KIF18A: variants seen among roughly 807,000 people sequenced by gnomAD.
The protein encoded by KIF18A is kinesin family member 18A.
In KIF18A, 67 loss-of-function variants were observed where a neutral mutation model predicts 103.3. That is an observed-to-expected ratio of 0.65 (90% CI 0.53 to 0.79). The LOEUF (loss-of-function observed/expected upper bound fraction) is 0.79, where lower values mean the gene tolerates loss of function less well. KIF18A is among the 30% of genes least tolerant of loss of function. The pLI, the probability that KIF18A is intolerant of heterozygous loss-of-function variation, is 0.00. For missense variants in KIF18A, 1,032 were observed against 1,062.5 expected, an observed-to-expected ratio of 0.97 and a Z score of 0.40; for synonymous variants, 367 against 355.5, an observed-to-expected ratio of 1.03 and a Z score of -0.36.
intron 11 of KIF18A, 124 bp downstream of exon 11, chr11:28,069,119 CATTTAAAAGTAAATTA>C: frequency 1.5e-6 from 1 of 674,446 alleles, no homozygotes; most frequent in Non-Finnish European, 2.5e-6. Flanking sequence ...TTAGAAATAA[CATTTAAAAGTAAATTA>C]AATCTCAGAG....
intron 2 of KIF18A, among the ~76,000 whole-genome samples, chr11:28,096,173 C>CAAAAAAAAAAAAAA (rs1156735166): frequency 6.0e-5 from 3 of 49,690 alleles, no homozygotes; most frequent in East Asian, 9.8e-4. Context: ...AAGACTTCAT[C>CAAAAAAAAAAAAAA]AAAAAAAAAA....
At chr11:28,053,120 AG>A (rs1383805443) in intron 13 of KIF18A, among the ~76,000 whole-genome samples, 4 of 152,194 alleles carry the variant, frequency 2.6e-5, no homozygotes, top group Non-Finnish European at 5.9e-5. Context: ...AAGACTGCAT[AG>A]GCATGAACCT....
intron 13 of KIF18A, among the ~76,000 whole-genome samples, chr11:28,045,257 C>T (rs1366980315): frequency 2.0e-5 from 3 of 151,974 alleles, no homozygotes; most frequent in Non-Finnish European, 4.4e-5. Flanking sequence ...TGGTATTGCT[C>T]TTTAAGCTAC....
intron 10 of KIF18A, among the ~76,000 whole-genome samples, chr11:28,073,396 T>C (rs903939619): frequency 6.6e-6 from 1 of 152,122 alleles, no homozygotes; most frequent in Non-Finnish European, 1.5e-5. Context: ...GAAGCCTTCT[T>C]ACTAAAAATA....
At chr11:28,047,777 A>T (rs1850656937) in intron 13 of KIF18A, among the ~76,000 whole-genome samples, 1 of 152,194 alleles carries the variant, frequency 6.6e-6, no homozygotes, top group Admixed American at 6.6e-5. Context: ...AATAGGAGGC[A>T]ACATACTACT....
intron 13 of KIF18A, among the ~76,000 whole-genome samples, chr11:28,045,401 G>GA (rs942376298): frequency 2.0e-3 from 286 of 139,522 alleles, no homozygotes; most frequent in Middle Eastern, 3.5e-3. Context: ...AGAAAAAAAG[G>GA]AAAAAAAAAA....
At chr11:28,040,603 G>C (rs1336772125) in intron 13 of KIF18A, among the ~76,000 whole-genome samples, 1 of 151,630 alleles carries the variant, frequency 6.6e-6, no homozygotes, top group Non-Finnish European at 1.5e-5. Context: ...TAGCAACGTG[G>C]GTGCTACACA....
chr11:28,058,714 A>G (rs1232616489), intron 13 of KIF18A, among the ~76,000 whole-genome samples: 1 of 143,110 alleles, frequency 7.0e-6, no homozygotes, highest in Non-Finnish European at 1.5e-5. Context: ...TGTAAAATGA[A>G]TTTTACTGCT....
At chr11:28,101,730 A>G (rs971229411) in intron 1 of KIF18A, among the ~76,000 whole-genome samples, 1 of 152,198 alleles carries the variant, frequency 6.6e-6, no homozygotes, top group Non-Finnish European at 1.5e-5. Flanking sequence ...ACAAACATGT[A>G]AAGGTATAAC....
At chr11:28,033,334 A>G (rs1175372524) in intron 15 of KIF18A, among the ~76,000 whole-genome samples, 3 of 151,676 alleles carry the variant, frequency 2.0e-5, no homozygotes, top group Admixed American at 6.6e-5. Flanking sequence ...GTGCTACCAT[A>G]CGATCCAGCA....
chr11:28,097,713 C>T lies in KIF18A; in HGVS notation c.235G>A (p.Val79Ile). The T allele has an allele frequency of 1.9e-6, 3 of 1,610,770 alleles. No homozygotes were observed. Among genetic ancestry groups the T allele is most frequent in the East Asian group, 4.5e-5 (2 of 44,786 alleles). ...GACTGAGTTGACGTTTCATCAAAAA[C>T]AGCATCAAATACAAATTTAAGATCC... ...NKDLKFVFDA[V>I]FDETSTQSEV... Residue 79 changes from valine (V) to isoleucine (I), a missense_variant, in exon 2 of 17, where the codon GTT (valine) becomes ATT (isoleucine). Physicochemically the swap from Val to Ile is conservative, Grantham distance 29. Coordinates refer to ENST00000263181, the MANE Select transcript of KIF18A (RefSeq NM_031217.4).
At chr11:28,087,260 G>A (rs753775271) in intron 6 of KIF18A, among the ~76,000 whole-genome samples, 71 of 152,134 alleles carry the variant, frequency 4.7e-4, no homozygotes, top group Middle Eastern at 3.4e-3. Context: ...CCTGCCTGGC[G>A]TGTAATGTTC....
At chr11:28,065,602 A>G (rs1850909081) in intron 11 of KIF18A, among the ~76,000 whole-genome samples, 1 of 152,108 alleles carries the variant, frequency 6.6e-6, no homozygotes, top group Non-Finnish European at 1.5e-5. Context: ...ACTACTAAGT[A>G]GACAAAAAAG....
intron 11 of KIF18A, 38 bp downstream of exon 11, chr11:28,069,221 C>T (rs1565082606): frequency 2.0e-6 from 3 of 1,530,808 alleles, no homozygotes; most frequent in Non-Finnish European, 2.7e-6. Context: ...GAGCTCAGTT[C>T]CTACAAATTA....
At position 28,099,448 on chromosome 11, in the gene KIF18A, T is replaced by C. The variant is rs573038413; in HGVS notation, c.-46-1455A>G. Reference sequence around the variant, plus strand: ...GGTGACCATGGTTAATTGCTAAGAGTACATTTTAAATGTTCTCACAACAAA... The same window carrying C: ...GGTGACCATGGTTAATTGCTAAGAGCACATTTTAAATGTTCTCACAACAAA... On this transcript the variant is annotated intron_variant, in intron 1 of 16. Coordinates refer to ENST00000263181, the MANE Select transcript of KIF18A (RefSeq NM_031217.4). Among the ~76,000 whole-genome samples, 13 of 152,184 alleles carry C rather than the reference T, an allele frequency of 8.5e-5. No homozygotes were observed. In the South Asian group the frequency reaches 2.3e-3, roughly 27 times the overall value.
intron 15 of KIF18A, among the ~76,000 whole-genome samples, chr11:28,029,223 C>A (rs749970823): frequency 1.3e-5 from 2 of 151,804 alleles, no homozygotes; most frequent in Non-Finnish European, 2.9e-5. Context: ...AGAGACACAA[C>A]AAAAAAAGAG....
intron 13 of KIF18A, among the ~76,000 whole-genome samples, chr11:28,054,452 G>A (rs1269421373): frequency 6.6e-6 from 1 of 152,046 alleles, no homozygotes; most frequent in Admixed American, 6.6e-5. Context: ...TCAAGCGATC[G>A]GCCTGCGTCA....
At chr11:28,082,789 CAT>C in intron 9 of KIF18A, 65 bp downstream of exon 9, 2 of 936,884 alleles carry the variant, frequency 2.1e-6, no homozygotes, top group Non-Finnish European at 1.6e-6. Flanking sequence ...TGATAATTAA[CAT>C]AAAATACTTA....
intron 12 of KIF18A, among the ~76,000 whole-genome samples, chr11:28,060,216 T>G (rs181979020): frequency 7.2e-4 from 109 of 152,286 alleles, no homozygotes; most frequent in African/African-American, 2.4e-3. Context: ...TATAAAGAAA[T>G]ATGTCTAACA....
Sources: gnomAD v4.1 joint callset for allele counts (sites outside exome capture counted in the v4.1 genomes callset) on GRCh38, gnomAD v4.1.1 for gene constraint, MANE v1.5 for transcripts, NCBI Gene and HGNC (gene_info 2026-07-23, HGNC 2026-07-21) for gene names.